GFRA1: variants seen among roughly 807,000 people sequenced by gnomAD.
GFRA1 encodes GDNF family receptor alpha 1, also known as GDNF family receptor alpha-1.
A neutral mutation model predicts 51.6 loss-of-function variants in GFRA1; 16 were observed. The ratio of observed to expected loss-of-function variants is 0.31; its 90% CI spans 0.21 to 0.47. GFRA1 has a LOEUF of 0.47. Among genes scored for constraint, GFRA1 ranks in the 20% least tolerant of loss-of-function variants. The pLI is 1.00. For synonymous variants in GFRA1, 270 were observed against 241.3 expected (o/e 1.12, Z -1.10); for missense variants, 530 against 594.3 (o/e 0.89, Z 1.13).
At chr10:116,092,095 G>GTA (rs759386159) in intron 8 of GFRA1, among the ~76,000 whole-genome samples, 692 of 36,108 alleles carry the variant, frequency 0.019, 2 homozygotes, top group Non-Finnish European at 0.042. Flanking sequence ...ACATACATAC[G>GTA]TACACACACA....
intron 5 of GFRA1, among the ~76,000 whole-genome samples, chr10:116,211,188 C>T (rs1024152013): frequency 3.3e-5 from 5 of 152,222 alleles, no homozygotes; most frequent in African/African-American, 9.7e-5. Context: ...CTTGCCACAC[C>T]TCTACAACAG....
chr10:116,168,972 G>A (rs1960765544), intron 5 of GFRA1, among the ~76,000 whole-genome samples: 1 of 152,150 alleles, frequency 6.6e-6, no homozygotes, highest in Admixed American at 6.5e-5. Flanking sequence ...TTAGACATGG[G>A]TTCCAGACAG....
intron 6 of GFRA1, among the ~76,000 whole-genome samples, chr10:116,101,397 C>T (rs189330268): frequency 5.3e-5 from 8 of 152,152 alleles, no homozygotes; most frequent in South Asian, 2.1e-4. Context: ...AGAAATGTAT[C>T]GCTCTCAGTA....
intron 5 of GFRA1, among the ~76,000 whole-genome samples, chr10:116,200,987 T>C (rs1024666758): frequency 6.6e-6 from 1 of 152,192 alleles, no homozygotes; most frequent in Non-Finnish European, 1.5e-5. Context: ...ACAAACAATA[T>C]GGACAGTTTT....
chr10:116,243,764 G>A (rs1273415927), intron 4 of GFRA1, among the ~76,000 whole-genome samples: 1 of 152,140 alleles, frequency 6.6e-6, no homozygotes, highest in East Asian at 1.9e-4. Context: ...AAGGCCTTGA[G>A]AGAGTAGCCA....
intron 5 of GFRA1, among the ~76,000 whole-genome samples, chr10:116,174,373 C>T (rs546633986): frequency 3.5e-4 from 53 of 152,292 alleles, no homozygotes; most frequent in Non-Finnish European, 1.6e-4. Context: ...AGTCTTTTCC[C>T]TGCATTCTTC....
rs977502779 is a variant in GFRA1, at chr10:116,061,978, T to C, written c.*2420A>G. 8 of 398,470 alleles carry C rather than the reference T, an allele frequency of 2.0e-5. No individual in the cohort carries two copies. Among genetic ancestry groups the C allele is most frequent in the Non-Finnish European group, 3.5e-5 (8 of 226,050 alleles). The allele number at this position is 398,470 out of a possible 1,614,324, so 24.7% of individuals were successfully genotyped here. The stretch of plus-strand genomic sequence containing the variant: ...TTTAATCAGCAACTGATTTTCAAAT[T>C]GAGGAGCTGGTAACTTGAATATGCT... On this transcript the variant is annotated 3_prime_UTR_variant, in exon 11 of 11. Coordinates refer to ENST00000355422, the MANE Select transcript of GFRA1 (RefSeq NM_005264.8).
At chr10:116,126,850 C>G (rs1037382612) in intron 5 of GFRA1, among the ~76,000 whole-genome samples, 4 of 152,234 alleles carry the variant, frequency 2.6e-5, no homozygotes, top group African/African-American at 9.6e-5. Flanking sequence ...TTAGGTAGGA[C>G]TGAAAGATAG....
rs1954908054 is a variant in GFRA1 at position 116,063,202 on chromosome 10, G to A, written c.*1196C>T. The A allele has an allele frequency of 1.3e-5, 2 of 152,234 alleles. No individual in the cohort carries two copies. The highest frequency in any genetic ancestry group is 2.9e-5 in the Non-Finnish European group (2 of 68,050). The allele number at this position is 152,234 out of a possible 1,614,324, so 9.4% of individuals were successfully genotyped here. On this transcript the variant is annotated 3_prime_UTR_variant, in exon 11 of 11. Coordinates refer to ENST00000355422, the MANE Select transcript of GFRA1 (RefSeq NM_005264.8). ...AACCTGAAAACCAAGGTACTGGATT[G>A]TGTCATGACAAGTGTGTCAAGAGAT...
intron 5 of GFRA1, among the ~76,000 whole-genome samples, chr10:116,141,676 C>T (rs921470259): frequency 1.2e-4 from 19 of 152,186 alleles, no homozygotes; most frequent in African/African-American, 4.3e-4. Context: ...CTCCACCTCC[C>T]GGGTTCAAGT....
rs549384994 is a variant in GFRA1, at chr10:116,253,864, G to A, written c.418+15639C>T. ...TGCAAAGGGCTAGGCCTTTGCAGCT[G>A]GACAAACTTGGCTTGAATTCAGGAT... is the stretch of plus-strand genomic sequence containing the variant. On this transcript the variant is annotated intron_variant, in intron 4 of 10. Transcript: ENST00000355422. 2.6e-5 allele frequency among the ~76,000 whole-genome samples: 4 copies of A among 152,238 alleles called. No individual in the cohort carries two copies. The East Asian group carries it at 7.8e-4, about 30-fold the overall frequency.
At chr10:116,242,955 T>A (rs1428175465) in intron 4 of GFRA1, among the ~76,000 whole-genome samples, 1 of 152,212 alleles carries the variant, frequency 6.6e-6, no homozygotes, top group African/African-American at 2.4e-5. Flanking sequence ...AATTAATATA[T>A]CCATCTGTTT....
chr10:116,249,736 ATCTACTCAGCAC>A (rs1408888378), intron 4 of GFRA1, among the ~76,000 whole-genome samples: 3 of 152,200 alleles, frequency 2.0e-5, no homozygotes, highest in African/African-American at 7.2e-5. Flanking sequence ...TTCAACAAAT[ATCTACTCAGCAC>A]CTACTACATA....
At chr10:116,199,501 C>T (rs1284862887) in intron 5 of GFRA1, among the ~76,000 whole-genome samples, 1 of 152,210 alleles carries the variant, frequency 6.6e-6, no homozygotes, top group African/African-American at 2.4e-5. Context: ...ACTCATACTC[C>T]TACCCCCAGA....
intron 8 of GFRA1, among the ~76,000 whole-genome samples, chr10:116,090,398 A>G (rs1480703491): frequency 6.6e-6 from 1 of 150,530 alleles, no homozygotes; most frequent in African/African-American, 2.5e-5. Context: ...TGGCATTCAC[A>G]TTAATATGGC....
intron 9 of GFRA1, among the ~76,000 whole-genome samples, chr10:116,075,364 G>A (rs6585378): frequency 0.068 from 10,314 of 152,152 alleles, 1,160 homozygotes; most frequent in African/African-American, 0.23. Flanking sequence ...CTCGGCACAG[G>A]CTCCTCCTAT....
At chr10:116,178,336 C>T (rs1011871143) in intron 5 of GFRA1, among the ~76,000 whole-genome samples, 3 of 151,154 alleles carry the variant, frequency 2.0e-5, no homozygotes, top group Admixed American at 6.6e-5. Flanking sequence ...TCCTACAGTA[C>T]GTCCTGTCTG....
At chr10:116,214,446 T>C (rs139298274) in intron 4 of GFRA1, among the ~76,000 whole-genome samples, 291 of 152,226 alleles carry the variant, frequency 1.9e-3, no homozygotes, top group African/African-American at 6.8e-3. Flanking sequence ...CTAGCACTCA[T>C]CTGATCCAAC....
intron 4 of GFRA1, among the ~76,000 whole-genome samples, chr10:116,260,199 G>A (rs1969197189): frequency 6.6e-6 from 1 of 152,194 alleles, no homozygotes. Context: ...GATTTTCGAA[G>A]AAATTGCTTG....
Sources: gnomAD v4.1 joint callset for allele counts (sites outside exome capture counted in the v4.1 genomes callset) on GRCh38, gnomAD v4.1.1 for gene constraint, MANE v1.5 for transcripts, NCBI Gene and HGNC (gene_info 2026-07-23, HGNC 2026-07-21) for gene names.